The following LRP2 variants were observed in gnomAD, a reference collection of about 807,000 sequenced individuals.
LRP2 encodes the protein LDL receptor related protein 2.
In LRP2, 172 loss-of-function variants were observed where a neutral mutation model predicts 531.0. The observed-to-expected ratio is 0.32, with a 90% CI of 0.29 to 0.37. The LOEUF (loss-of-function observed/expected upper bound fraction) is 0.37. Ranked by LOEUF, LRP2 falls within the 10% of genes least tolerant of loss-of-function variation. LRP2 has a pLI of 1.00. For missense variants in LRP2, 5,167 were observed against 5,868.3 expected, an observed-to-expected ratio of 0.88 and a Z score of 3.90; for synonymous variants, 1,992 against 2,027.6, an observed-to-expected ratio of 0.98 and a Z score of 0.47.
In LRP2 at chr2:169,273,029, G is replaced by C; in HGVS notation, c.2014C>G (p.Gln672Glu). 1.2e-6 allele frequency: 2 copies of C among 1,613,686 alleles called. No individual in the cohort carries two copies. Among genetic ancestry groups the C allele is most frequent in the African/African-American group, 2.7e-5 (2 of 75,004 alleles). ...PCKDNNGGCE[Q>E]VCVLSHRTDN... The stretch of plus-strand genomic sequence containing the variant: ...GTTCTGTGGCTGAGGACACAGACCT[G>C]CTCACAGCCCCCATTGTTATCTTTA... Residue 672 changes from glutamine to glutamate, a missense_variant, in exon 15 of 79, where the codon CAG becomes GAG. Gln to Glu is a conservative substitution (Grantham distance 29). Around this residue, in one of 6 missense-constraint regions of LRP2, gnomAD observed 2,811 missense variants for 3,058.0 expected, o/e 0.92. Coordinates refer to ENST00000649046, the MANE Select transcript of LRP2 (RefSeq NM_004525.3).
At chr2:169,198,384 A>C (rs1463313106) in intron 45 of LRP2, among the ~76,000 whole-genome samples, 1 of 152,222 alleles carries the variant, frequency 6.6e-6, no homozygotes, top group African/African-American at 2.4e-5. Flanking sequence ...ACTACACTAC[A>C]GCCCAGGTGA....
At chr2:169,342,814 G>T (rs147929373) in intron 1 of LRP2, among the ~76,000 whole-genome samples, 338 of 152,324 alleles carry the variant, frequency 2.2e-3, no homozygotes, top group African/African-American at 7.7e-3. Flanking sequence ...GTGTGTGAAA[G>T]AAATACATCA....
chr2:169,347,971 T>A (rs1685739260), intron 1 of LRP2, among the ~76,000 whole-genome samples: 1 of 152,216 alleles, frequency 6.6e-6, no homozygotes, highest in Non-Finnish European at 1.5e-5. Context: ...CAGAGGACTA[T>A]CTTCCACTTG....
In LRP2 at chr2:169,271,787, A is replaced by G. The variant is rs114145901; in HGVS notation, c.2117-680T>C. Reference sequence around the variant, plus strand: ...AGATCTACACCAAGAACCTTACAGTAGATACCAAGATAATTAACAGCAATC... The same window carrying G: ...AGATCTACACCAAGAACCTTACAGTGGATACCAAGATAATTAACAGCAATC... On this transcript the variant is annotated intron_variant, in intron 15 of 78. Transcript: ENST00000649046. 3,196 of 481,562 alleles carry G rather than the reference A, an allele frequency of 6.6e-3. 89 individuals are homozygous for G. Among genetic ancestry groups the G allele is most frequent in the African/African-American group, 0.06 (2,862 of 47,742 alleles). 29.8% of individuals were successfully genotyped at this position (481,562 alleles called of 1,614,324 possible). A position where few individuals can be genotyped will look rare whatever the true frequency, so the allele number is the denominator to read the frequency against.
At chr2:169,205,951 G>T in intron 40 of LRP2, 72 bp downstream of exon 40, 1 of 1,569,982 alleles carries the variant, frequency 6.4e-7, no homozygotes, top group Non-Finnish European at 8.8e-7. Flanking sequence ...GGCTATCTAT[G>T]AACATAATTT....
chr2:169,214,066 C>A (rs1490558396), intron 35 of LRP2, among the ~76,000 whole-genome samples, 196 bp from the exon 36 acceptor site: 1 of 152,048 alleles, frequency 6.6e-6, no homozygotes, highest in Non-Finnish European at 1.5e-5. Flanking sequence ...TCACTGTGCC[C>A]CTTTCATTGA....
chr2:169,224,679 A>T (rs1689135859), intron 33 of LRP2, among the ~76,000 whole-genome samples: 1 of 152,244 alleles, frequency 6.6e-6, no homozygotes, highest in South Asian at 2.1e-4. Context: ...TTCCTTATGC[A>T]ACTTTTATTT....
chr2:169,146,440 C>T (rs972492430), intron 69 of LRP2, among the ~76,000 whole-genome samples: 2 of 152,168 alleles, frequency 1.3e-5, no homozygotes, highest in Admixed American at 6.5e-5. Context: ...AACATTGGTA[C>T]ACATGAAACC....
intron 25 of LRP2, 60 bp from the exon 26 acceptor site, chr2:169,239,835 C>T: frequency 7.1e-7 from 1 of 1,413,140 alleles, no homozygotes; most frequent in South Asian, 1.2e-5. Context: ...TTCTTTGATT[C>T]ACTCTTATGC....
Position 169,251,784 on chromosome 2 carries a change from A to G in LRP2, c.2771-4269T>C, listed in dbSNP as rs1476495042. On this transcript the variant is annotated intron_variant, in intron 19 of 78. Transcript: ENST00000649046. ...AAGAAGAGAGAAGAATCAAATAGAC[A>G]CAATAAAAAATGATAAAGGGGATAT... 2.2e-5 allele frequency among the ~76,000 whole-genome samples: 2 copies of G among 91,524 alleles called. 1 individual carries two copies. Among genetic ancestry groups the G allele is most frequent in the Admixed American group, 2.6e-4 (2 of 7,684 alleles). The allele number at this position is 91,524 out of a possible 152,430, so 60.0% of individuals were successfully genotyped here. A position where few individuals can be genotyped will look rare whatever the true frequency, so the allele number is the denominator to read the frequency against.
chr2:169,193,686 C>T, intron 47 of LRP2, 75 bp downstream of exon 47: 1 of 1,585,396 alleles, frequency 6.3e-7, no homozygotes, highest in Non-Finnish European at 8.7e-7. Context: ...ATCATACTCT[C>T]CAAACACAGA....
chr2:169,168,018 A>AAAATAT (rs1553488719), intron 61 of LRP2, among the ~76,000 whole-genome samples: 1 of 68,186 alleles, frequency 1.5e-5, no homozygotes, highest in South Asian at 7.2e-4. Context: ...CAGGGTTTAA[A>AAAATAT]ATATATATAT....
chr2:169,306,134 G>T (rs567161471), intron 4 of LRP2, among the ~76,000 whole-genome samples: 1 of 151,842 alleles, frequency 6.6e-6, no homozygotes. Context: ...GCACGAAAAG[G>T]CCTGTCAGAA....
chr2:169,289,969 C>A (rs1291942185), intron 8 of LRP2, among the ~76,000 whole-genome samples: 1 of 152,134 alleles, frequency 6.6e-6, no homozygotes, highest in Non-Finnish European at 1.5e-5. Context: ...CTTGGGGTTG[C>A]AGTTACATGG....
chr2:169,240,779 C>T (rs1007059347), intron 25 of LRP2: 1 of 625,954 alleles, frequency 1.6e-6, no homozygotes, highest in African/African-American at 1.8e-5. Flanking sequence ...AGTAAAAACA[C>T]ATAACCAAGT....
At chr2:169,314,334 C>CA (rs550095787) in intron 3 of LRP2, among the ~76,000 whole-genome samples, 12 of 150,226 alleles carry the variant, frequency 8.0e-5, no homozygotes, top group East Asian at 5.9e-4. Context: ...TCACTTGAGC[C>CA]AAAAAAAACT....
intron 41 of LRP2, 149 bp downstream of exon 41, chr2:169,205,330 A>G (rs1688338430): frequency 1.2e-6 from 1 of 834,478 alleles, no homozygotes; most frequent in African/African-American, 1.7e-5. Context: ...AAGTTCCAAT[A>G]TAAACATAGT....
At chr2:169,265,456 T>C (rs1559047063) in intron 16 of LRP2, among the ~76,000 whole-genome samples, 1 of 151,708 alleles carries the variant, frequency 6.6e-6, no homozygotes, top group Non-Finnish European at 1.5e-5. Flanking sequence ...AAGAAGAAAG[T>C]TGAAAAGAAA....
chr2:169,279,720 T>C (rs1273393540), intron 11 of LRP2, 125 bp from the exon 12 acceptor site: 4 of 645,024 alleles, frequency 6.2e-6, no homozygotes, highest in African/African-American at 5.5e-5. Flanking sequence ...TTCAGAAATT[T>C]CATGCAAGTT....
Sources: gnomAD v4.1 joint callset for allele counts (sites outside exome capture counted in the v4.1 genomes callset) on GRCh38, gnomAD v4.1.1 for gene constraint, gnomAD v4.1.1 regional missense constraint, MANE v1.5 for transcripts, NCBI Gene and HGNC (gene_info 2026-07-23, HGNC 2026-07-21) for gene names.